IFT74: variants seen among roughly 807,000 people sequenced by gnomAD.
IFT74 encodes the protein intraflagellar transport protein 74 homolog.
IFT74 carries 92 observed loss-of-function variants against 96.7 expected under a neutral mutation model. The ratio of observed to expected loss-of-function variants is 0.95; its 90% CI spans 0.80 to 1.13. The LOEUF (loss-of-function observed/expected upper bound fraction) is 1.13, where lower values mean the gene tolerates loss of function less well. Ranked by LOEUF, IFT74 falls within the 50% of genes most tolerant of loss-of-function variation. The pLI, the probability that IFT74 is intolerant of heterozygous loss-of-function variation, is 0.00. For synonymous variants in IFT74, 223 were observed against 213.2 expected, an observed-to-expected ratio of 1.05 and a Z score of -0.40; for missense variants, 811 against 698.2, an observed-to-expected ratio of 1.16 and a Z score of -1.82.
chr9:26,965,893 C>G (rs947932039), intron 2 of IFT74, among the ~76,000 whole-genome samples: 1 of 152,072 alleles, frequency 6.6e-6, no homozygotes. Context: ...ATTTGACTTT[C>G]TCTTTCTGAA....
chr9:27,051,104 G>A (rs1187760201), intron 16 of IFT74, among the ~76,000 whole-genome samples: 1 of 152,048 alleles, frequency 6.6e-6, no homozygotes, highest in Non-Finnish European at 1.5e-5. Flanking sequence ...CTCAGACTTT[G>A]CCATGGGAGT....
intron 13 of IFT74, among the ~76,000 whole-genome samples, chr9:27,040,511 C>T (rs1443873870): frequency 1.4e-5 from 2 of 142,850 alleles, no homozygotes; most frequent in East Asian, 4.0e-4. Context: ...CACCATTGCA[C>T]TCCAGCCTGG....
At chr9:27,024,086 G>C (rs770197124) in intron 12 of IFT74, among the ~76,000 whole-genome samples, 4 of 152,156 alleles carry the variant, frequency 2.6e-5, no homozygotes, top group African/African-American at 7.2e-5. Context: ...ATTCATAACA[G>C]AACAATCCTG....
intron 2 of IFT74, among the ~76,000 whole-genome samples, chr9:26,965,943 T>C (rs1826589403): frequency 1.3e-5 from 2 of 152,140 alleles, no homozygotes; most frequent in African/African-American, 4.8e-5. Flanking sequence ...TCCAACCATA[T>C]TGCTGCAAAA....
chr9:26,954,597 C>A (rs987589366), upstream of IFT74, among the ~76,000 whole-genome samples: 2 of 149,376 alleles, frequency 1.3e-5, no homozygotes, highest in African/African-American at 5.0e-5. Flanking sequence ...GGAGTTGGAG[C>A]ACTAATCTAG....
upstream of IFT74, among the ~76,000 whole-genome samples, chr9:26,954,041 C>G (rs1826009976): frequency 1.3e-5 from 2 of 152,292 alleles, no homozygotes; most frequent in East Asian, 3.9e-4. Flanking sequence ...CACTGCTGTA[C>G]AAATCAAGGT....
rs1829104617 is a variant in IFT74, at chr9:27,012,008, C to A, written c.789+40C>A. On this transcript the variant is annotated intron_variant, in intron 10 of 19. Transcript: ENST00000380062. ...AAATAAGGGTTCTCATACTACTCAG[C>A]TAAAAAAGTTAATTCAGCCAAGTAT... 2.2e-6 allele frequency: 3 copies of A among 1,338,152 alleles called. No homozygotes were observed. The East Asian group carries it at 7.5e-5, about 34-fold the overall frequency. The allele number at this position is 1,338,152 out of a possible 1,614,324, so 82.9% of individuals were successfully genotyped here.
chr9:26,970,724 T>A (rs933200315), intron 2 of IFT74, among the ~76,000 whole-genome samples: 5 of 152,238 alleles, frequency 3.3e-5, no homozygotes, highest in African/African-American at 1.2e-4. Flanking sequence ...TAGTTGACAG[T>A]CTTCCTGTGT....
At chr9:27,010,487 T>G (rs1829005902) in intron 9 of IFT74, among the ~76,000 whole-genome samples, 1 of 144,518 alleles carries the variant, frequency 6.9e-6, no homozygotes. Context: ...TTTTTTTTGT[T>G]TTTTTTTTTT....
At chr9:26,982,099 T>C (rs191868864) in intron 4 of IFT74, among the ~76,000 whole-genome samples, 16 of 152,110 alleles carry the variant, frequency 1.1e-4, no homozygotes, top group Non-Finnish European at 1.5e-4. Flanking sequence ...TTTTCAGTAA[T>C]TAATCTGAAA....
intron 6 of IFT74, among the ~76,000 whole-genome samples, chr9:26,986,727 GTCT>G (rs1316280806): frequency 6.6e-6 from 1 of 151,866 alleles, no homozygotes; most frequent in Non-Finnish European, 1.5e-5. Context: ...GGCACAAGTG[GTCT>G]TCCTGCATCA....
intron 11 of IFT74, 25 bp from the exon 12 acceptor site, chr9:27,018,622 C>T: frequency 4.4e-6 from 6 of 1,362,890 alleles, no homozygotes; most frequent in Non-Finnish European, 4.1e-6. Context: ...TTTTTAAATA[C>T]TACTTTCTTT....
At chr9:27,042,985 CA>C (rs1439438597) in intron 13 of IFT74, among the ~76,000 whole-genome samples, 1 of 152,160 alleles carries the variant, frequency 6.6e-6, no homozygotes, top group African/African-American at 2.4e-5. Context: ...CATATACAGA[CA>C]AAGTTTGTTT....
At chr9:27,028,396 G>T (rs563542505) in intron 12 of IFT74, among the ~76,000 whole-genome samples, 1 of 152,214 alleles carries the variant, frequency 6.6e-6, no homozygotes, top group South Asian at 2.1e-4. Flanking sequence ...AAGTTGGGAG[G>T]GGGTGTGCTG....
In IFT74 at chr9:26,998,049, C is replaced by T. The variant is rs140083363; in HGVS notation, c.587+7854C>T. The T allele has an allele frequency of 1.1e-3, 1,853 of 1,613,204 alleles. 7 individuals are homozygous for T. Among genetic ancestry groups the T allele is most frequent in the Non-Finnish European group, 1.3e-3 (1,590 of 1,179,436 alleles). On this transcript the variant is annotated intron_variant, in intron 8 of 19. Coordinates refer to ENST00000380062, the MANE Select transcript of IFT74 (RefSeq NM_025103.4). ...TCTAGACTGGAGAGGTTACCAAAAC[C>T]GTTATTATGTAAGATAGTAACCTTG...
intron 13 of IFT74, among the ~76,000 whole-genome samples, chr9:27,030,031 G>T (rs1830049640): frequency 6.6e-6 from 1 of 151,994 alleles, no homozygotes; most frequent in African/African-American, 2.4e-5. Context: ...GGGTTTGGGT[G>T]TGGGGGCTAC....
chr9:26,947,624 C>G (rs923523797), intron 1 of IFT74, among the ~76,000 whole-genome samples: 3 of 152,210 alleles, frequency 2.0e-5, no homozygotes, highest in African/African-American at 7.2e-5. Context: ...TTAGGTCATC[C>G]TCACTGCTTT....
At chr9:27,008,937 A>T in intron 8 of IFT74, 83 bp from the exon 9 acceptor site, 1 of 1,076,954 alleles carries the variant, frequency 9.3e-7, no homozygotes, top group Non-Finnish European at 1.3e-6. Context: ...TATCCTATTA[A>T]ATTAGGACCA....
chr9:27,036,300 A>C, intron 13 of IFT74: 1 of 1,175,154 alleles, frequency 8.5e-7, no homozygotes, highest in Non-Finnish European at 1.2e-6. Flanking sequence ...TCAAGGGTCA[A>C]CTGTATTTCC....
Sources: allele counts gnomAD v4.1 joint callset (sites outside exome capture counted in the v4.1 genomes callset), GRCh38; gene constraint gnomAD v4.1.1; transcripts MANE v1.5; gene names NCBI Gene and HGNC (gene_info 2026-07-23, HGNC 2026-07-21).